The following OSBP variants were observed in gnomAD, a reference collection of about 807,000 sequenced individuals.
OSBP encodes oxysterol binding protein.
In OSBP, 32 loss-of-function variants were observed where a neutral mutation model predicts 96.6. That is an observed-to-expected ratio of 0.33 (90% CI 0.25 to 0.45). The LOEUF (loss-of-function observed/expected upper bound fraction) is 0.45. OSBP is among the 20% of genes least tolerant of loss of function. The pLI is 1.00. For synonymous variants in OSBP, 369 were observed against 389.6 expected, an observed-to-expected ratio of 0.95 and a Z score of 0.62; for missense variants, 653 against 1,029.7, an observed-to-expected ratio of 0.63 and a Z score of 5.01.
rs1192199441 is a variant in OSBP at position 59,615,630 on chromosome 11, G to A, written c.35C>T (p.Pro12Leu). 4 of 1,384,054 alleles carry A rather than the reference G, an allele frequency of 2.9e-6. No homozygotes were observed. Among genetic ancestry groups the A allele is most frequent in the African/African-American group, 1.5e-5 (1 of 66,442 alleles). 85.7% of individuals were successfully genotyped at this position (1,384,054 alleles called of 1,614,324 possible). The change falls in exon 1 of 14, where the codon CCA becomes CTA. Residue 12 changes from proline (P) to leucine (L), a missense_variant. Around this residue, in one of 6 missense-constraint regions of OSBP, gnomAD observed 151 missense variants for 146.1 expected, o/e 1.03. Coordinates refer to ENST00000263847, the MANE Select transcript of OSBP (RefSeq NM_002556.3). ...AAGTGCTGCAATGGCTGCCGGGCCTGGCCCCACCACTCCTCTCAGCTCCGT... is the reference window on the plus strand; with the variant it reads ...AAGTGCTGCAATGGCTGCCGGGCCTAGCCCCACCACTCCTCTCAGCTCCGT... ...AATELRGVVG[P>L]GPAAIAALGG... is the part of the protein sequence containing the mutation.
At chr11:59,579,374 C>T (rs557246844) in intron 11 of OSBP, among the ~76,000 whole-genome samples, 8 of 150,770 alleles carry the variant, frequency 5.3e-5, no homozygotes, top group African/African-American at 2.0e-4. Context: ...TCTCTTGCTG[C>T]CCAGGCTGGA....
At chr11:59,598,238 A>G (rs1163667702) in intron 7 of OSBP, among the ~76,000 whole-genome samples, 2 of 152,242 alleles carry the variant, frequency 1.3e-5, no homozygotes, top group African/African-American at 2.4e-5. Context: ...CACAGGGCTA[A>G]GCATCAAGGT....
chr11:59,604,788 A>T (rs1860760534), intron 3 of OSBP, among the ~76,000 whole-genome samples: 2 of 151,536 alleles, frequency 1.3e-5, no homozygotes, highest in Non-Finnish European at 2.9e-5. Context: ...CTGGGTGCTC[A>T]AGGCTGCAGT....
chr11:59,583,648 T>TG (rs1860453438), intron 9 of OSBP, among the ~76,000 whole-genome samples: 3 of 138,632 alleles, frequency 2.2e-5, no homozygotes, highest in African/African-American at 5.7e-5. Flanking sequence ...TTTTTTTTTT[T>TG]TTTTTTTTTT....
In OSBP at chr11:59,615,718, C is replaced by T; in HGVS notation, c.-54G>A. 8.0e-7 allele frequency: 1 copy of T among 1,253,660 alleles called. No individual in the cohort carries two copies. Among genetic ancestry groups the T allele is most frequent in the Non-Finnish European group, 1.0e-6 (1 of 999,600 alleles). The allele number at this position is 1,253,660 out of a possible 1,614,324, so 77.7% of individuals were successfully genotyped here. A position where few individuals can be genotyped will look rare whatever the true frequency, so the allele number is the denominator to read the frequency against. On this transcript the variant is annotated 5_prime_UTR_variant, in exon 1 of 14. Coordinates refer to ENST00000263847, the MANE Select transcript of OSBP (RefSeq NM_002556.3). ...CGGAACCGCCTACGAGAGCCGCCGT[C>T]GCCGCCCGGAGCGCCCCACACGGCT...
intron 2 of OSBP, among the ~76,000 whole-genome samples, chr11:59,609,794 C>G (rs1289366400): frequency 6.6e-6 from 1 of 152,030 alleles, no homozygotes; most frequent in Non-Finnish European, 1.5e-5. Context: ...ACCAATGCAG[C>G]AAAATGAAGA....
intron 9 of OSBP, among the ~76,000 whole-genome samples, chr11:59,583,639 T>G (rs1042810141): frequency 5.2e-5 from 7 of 133,388 alleles, no homozygotes; most frequent in Non-Finnish European, 7.9e-5. Context: ...TCTCTGTTTT[T>G]TTTTTTTTTT....
At chr11:59,595,666 G>T (rs182523515) in intron 7 of OSBP, among the ~76,000 whole-genome samples, 161 of 152,194 alleles carry the variant, frequency 1.1e-3, no homozygotes, top group Non-Finnish European at 1.7e-3. Flanking sequence ...TTGGCCACGT[G>T]TGGTGGCTCA....
intron 9 of OSBP, among the ~76,000 whole-genome samples, chr11:59,590,474 TTTTC>T (rs761857737): frequency 7.2e-5 from 11 of 152,310 alleles, no homozygotes; most frequent in East Asian, 3.9e-4. Context: ...CTATGCTTAG[TTTTC>T]TTTGTTTAAA....
rs766380634 is a variant in OSBP at position 59,608,526 on chromosome 11, T to C, written c.780A>G (p.Glu260=). The C allele has an allele frequency of 6.2e-7, 1 of 1,614,084 alleles. No individual in the cohort carries two copies. The highest frequency in any genetic ancestry group is 1.1e-5 in the South Asian group (1 of 91,082). ...ESNEKIKQVN[E]RATLFRITSN... ...ATGTTATCCTAAAGAGTGTGGCTCG[T>C]TCGTTGACCTGTTTGATCTTTTCAT... Residue 260 remains glutamate (E), a synonymous_variant, in exon 3 of 14, where the codon GAA becomes GAG. Transcript: ENST00000263847.
chr11:59,610,797 GA>G (rs1860834002), intron 1 of OSBP, among the ~76,000 whole-genome samples: 2 of 147,568 alleles, frequency 1.4e-5, no homozygotes, highest in Non-Finnish European at 3.0e-5. Flanking sequence ...TTCTGAGTCA[GA>G]TTTTTTTTTT....
At chr11:59,586,634 T>C (rs998122259) in intron 9 of OSBP, among the ~76,000 whole-genome samples, 1 of 152,230 alleles carries the variant, frequency 6.6e-6, no homozygotes, top group Non-Finnish European at 1.5e-5. Flanking sequence ...TTCCTGATTT[T>C]GATACTTAAT....
rs1346698077 is a variant in OSBP at position 59,615,456 on chromosome 11, G to A, written c.209C>T (p.Pro70Leu). The change falls in exon 1 of 14, where the codon CCG (proline) becomes CTG (leucine). Residue 70 changes from proline to leucine, a missense_variant. Coordinates refer to ENST00000263847, the MANE Select transcript of OSBP (RefSeq NM_002556.3). ...GCCCCCAGTCGGCGGCGCAGGGGCC[G>A]GGCCAGCCGCCGCCACTCCCCCGGC... is the stretch of plus-strand genomic sequence containing the variant. Reference protein sequence around the residue: ...PGAGGVAAAGPAPAPPTGGSG... With the variant: ...PGAGGVAAAGLAPAPPTGGSG... 4.5e-6 allele frequency: 6 copies of A among 1,333,834 alleles called. No homozygotes were observed. Among genetic ancestry groups the A allele is most frequent in the Middle Eastern group, 2.9e-4 (1 of 3,472 alleles). 82.6% of individuals were successfully genotyped at this position (1,333,834 alleles called of 1,614,324 possible).
Position 59,581,443 on chromosome 11 carries a change from T to G in OSBP, c.1782+8A>C, listed in dbSNP as rs371001847. 448 of 1,557,246 alleles carry G rather than the reference T, an allele frequency of 2.9e-4. 2 individuals are homozygous for G. In the South Asian group the frequency reaches 4.8e-3, roughly 17 times the overall value. ...AACTTCACACACACTTTGGGTACCTTTCCTCACCTGATCTATCCACAACTT... is the reference window on the plus strand; with the variant it reads ...AACTTCACACACACTTTGGGTACCTGTCCTCACCTGATCTATCCACAACTT... On this transcript the variant is annotated splice_region_variant and intron_variant, in intron 10 of 13. Coordinates refer to ENST00000263847, the MANE Select transcript of OSBP (RefSeq NM_002556.3).
rs1860355703 is a variant in OSBP, at chr11:59,575,884, C to T, written c.*693G>A. On this transcript the variant is annotated 3_prime_UTR_variant, in exon 14 of 14. Transcript: ENST00000263847. ...CCCTTACCAATGACCAAAGTGGTCT[C>T]CAGTTGCTATTAAAGATGATGGAGA... 6.6e-6 allele frequency: 1 copy of T among 152,122 alleles called. No individual in the cohort carries two copies. Among genetic ancestry groups the T allele is most frequent in the Non-Finnish European group, 1.5e-5 (1 of 68,034 alleles). The allele number at this position is 152,122 out of a possible 1,614,324, so 9.4% of individuals were successfully genotyped here.
chr11:59,585,986 G>C (rs1347552368), intron 9 of OSBP, among the ~76,000 whole-genome samples: 1 of 151,910 alleles, frequency 6.6e-6, no homozygotes, highest in Non-Finnish European at 1.5e-5. Context: ...GTTAAGAGTC[G>C]TCACCACTCC....
At chr11:59,582,078 TG>T (rs1331950653) in intron 9 of OSBP, among the ~76,000 whole-genome samples, 1 of 152,254 alleles carries the variant, frequency 6.6e-6, no homozygotes, top group East Asian at 1.9e-4. Context: ...CCTCATTAGA[TG>T]TATGACCCTC....
chr11:59,608,363 A>G, intron 3 of OSBP, 121 bp downstream of exon 3: 1 of 1,175,194 alleles, frequency 8.5e-7, no homozygotes, highest in South Asian at 1.3e-5. Context: ...AAAGCCCTTG[A>G]CCAGTGAAGC....
Position 59,577,999 on chromosome 11 carries a change from G to A in OSBP, c.2060+150C>T, listed in dbSNP as rs940109265. 6 of 692,452 alleles carry A rather than the reference G, an allele frequency of 8.7e-6. No individual in the cohort carries two copies. The African/African-American group carries it at 1.1e-4, about 12-fold the overall frequency. The allele number at this position is 692,452 out of a possible 1,614,324, so 42.9% of individuals were successfully genotyped here. On this transcript the variant is annotated intron_variant, in intron 12 of 13. Coordinates refer to ENST00000263847, the MANE Select transcript of OSBP (RefSeq NM_002556.3). ...CATGCTACAAGTCAAATCATACAAT[G>A]ACAACCTTCTGTTAATCTCTCCAAA... is the stretch of plus-strand genomic sequence containing the variant.
Sources: allele counts gnomAD v4.1 joint callset (sites outside exome capture counted in the v4.1 genomes callset), GRCh38; gene constraint gnomAD v4.1.1; regional missense constraint gnomAD v4.1.1; transcripts MANE v1.5; gene names NCBI Gene and HGNC (gene_info 2026-07-23, HGNC 2026-07-21).